Variants in PACS1 observed in about 807,000 individuals in gnomAD.
The protein encoded by PACS1 is PACS-1.
Under a neutral mutation model 115.0 loss-of-function variants are expected in PACS1, and 24 were observed. That is an observed-to-expected ratio of 0.21 (90% CI 0.15 to 0.29). The LOEUF is 0.29. Among genes scored for constraint, PACS1 ranks in the 10% least tolerant of loss-of-function variants. PACS1 has a pLI of 1.00. For synonymous variants in PACS1, 453 were observed against 504.5 expected (o/e 0.90, Z 1.37); for missense variants, 838 against 1,251.2 (o/e 0.67, Z 4.98).
chr11:66,229,801 C>A (rs1855545558), intron 11 of PACS1, among the ~76,000 whole-genome samples: 1 of 152,126 alleles, frequency 6.6e-6, no homozygotes, highest in African/African-American at 2.4e-5. Context: ...ACAAAATTAG[C>A]CAGGCATGAT....
chr11:66,216,643 C>G, intron 6 of PACS1, 32 bp downstream of exon 6: 5 of 1,609,290 alleles, frequency 3.1e-6, no homozygotes, highest in Non-Finnish European at 4.3e-6. Context: ...CATGGCGTGT[C>G]CAAGAAGCTC....
At chr11:66,183,588 C>T (rs561638745) in intron 1 of PACS1, among the ~76,000 whole-genome samples, 4 of 152,258 alleles carry the variant, frequency 2.6e-5, no homozygotes, top group South Asian at 4.1e-4. Flanking sequence ...CACAAAGGGA[C>T]CAGTGTAGGA....
intron 1 of PACS1, among the ~76,000 whole-genome samples, chr11:66,132,386 C>A (rs1195425752): frequency 6.6e-6 from 1 of 152,234 alleles, no homozygotes; most frequent in East Asian, 1.9e-4. Flanking sequence ...TTATAAATTA[C>A]CCAGTCTCAT....
At chr11:66,175,113 T>C (rs1258462712) in intron 1 of PACS1, among the ~76,000 whole-genome samples, 1 of 151,766 alleles carries the variant, frequency 6.6e-6, no homozygotes, top group Non-Finnish European at 1.5e-5. Flanking sequence ...ATTGCACCAT[T>C]GTATTGGTGC....
chr11:66,173,201 G>A (rs2134642822), intron 1 of PACS1, among the ~76,000 whole-genome samples: 1 of 151,226 alleles, frequency 6.6e-6, no homozygotes, highest in East Asian at 1.9e-4. Context: ...CCAAGGTGCT[G>A]ACATTACAGG....
chr11:66,152,690 A>G (rs1859268442), intron 1 of PACS1, among the ~76,000 whole-genome samples: 1 of 152,136 alleles, frequency 6.6e-6, no homozygotes, highest in Non-Finnish European at 1.5e-5. Context: ...CACCCTCTGA[A>G]CCTTGTTACA....
intron 1 of PACS1, among the ~76,000 whole-genome samples, chr11:66,143,322 C>T (rs986698604): frequency 1.1e-4 from 16 of 152,182 alleles, no homozygotes; most frequent in African/African-American, 3.4e-4. Context: ...GGTGGAGCAT[C>T]CCCTGTTGGA....
chr11:66,117,656 G>C (rs942717062), intron 1 of PACS1, among the ~76,000 whole-genome samples: 4 of 151,816 alleles, frequency 2.6e-5, no homozygotes, highest in African/African-American at 9.7e-5. Flanking sequence ...CGACCAGCCT[G>C]ACCAACATGG....
rs569165168 is a variant in PACS1, at chr11:66,217,095, T to G, written c.978+320T>G. 7.6e-5 allele frequency: 29 copies of G among 383,548 alleles called. 2 individuals are homozygous for G. The South Asian group carries it at 8.0e-4, about 11-fold the overall frequency. The allele number at this position is 383,548 out of a possible 1,614,324, so 23.8% of individuals were successfully genotyped here. ...CCTCCCACCCACTCCAGTGGCTGCTTCATGTCACATGCTGTCCTCTGCAGC... is the reference window on the plus strand; with the variant it reads ...CCTCCCACCCACTCCAGTGGCTGCTGCATGTCACATGCTGTCCTCTGCAGC... On this transcript the variant is annotated intron_variant, in intron 7 of 23. Coordinates refer to ENST00000320580, the MANE Select transcript of PACS1 (RefSeq NM_018026.4).
chr11:66,140,662 A>G (rs182755301), intron 1 of PACS1, among the ~76,000 whole-genome samples: 81 of 152,184 alleles, frequency 5.3e-4, no homozygotes, highest in African/African-American at 1.9e-3. Flanking sequence ...CTCAGTTCCC[A>G]ATTTTCCTCA....
intron 2 of PACS1, among the ~76,000 whole-genome samples, chr11:66,207,712 G>A (rs2134694892): frequency 6.6e-6 from 1 of 152,288 alleles, no homozygotes; most frequent in African/African-American, 2.4e-5. Context: ...TGTTTTTTGA[G>A]ACAGAGTCTC....
In PACS1 at chr11:66,230,911, C is replaced by T. The variant is rs755138244; in HGVS notation, c.1597C>T (p.Arg533Cys). ...SERTNSSDSERSPDLGHSTQI... is the reference protein window; with the variant it reads ...SERTNSSDSECSPDLGHSTQI... Reference sequence around the variant, plus strand: ...GAGGACCAACAGTTCCGACAGCGAGCGCTCCCCAGATCTGGGCCACAGCAC... The same window carrying T: ...GAGGACCAACAGTTCCGACAGCGAGTGCTCCCCAGATCTGGGCCACAGCAC... The change falls in exon 13 of 24, where the codon CGC becomes TGC. Residue 533 changes from arginine to cysteine, a missense_variant. Physicochemically the swap from Arg to Cys is radical, Grantham distance 180. Transcript: ENST00000320580. The T allele has an allele frequency of 6.2e-7, 1 of 1,614,106 alleles. No homozygotes were observed. The highest frequency in any genetic ancestry group is 8.5e-7 in the Non-Finnish European group (1 of 1,179,974).
intron 2 of PACS1, among the ~76,000 whole-genome samples, chr11:66,201,724 AT>A (rs1854803267): frequency 6.6e-6 from 1 of 151,112 alleles, no homozygotes; most frequent in Non-Finnish European, 1.5e-5. Context: ...CAGTGGTGCA[AT>A]CTCAGCTCAT....
chr11:66,189,283 C>T (rs1854462347), intron 1 of PACS1, among the ~76,000 whole-genome samples: 1 of 152,182 alleles, frequency 6.6e-6, no homozygotes, highest in South Asian at 2.1e-4. Context: ...TGTTGTGTGG[C>T]ATTTCTGTGA....
At chr11:66,184,711 G>T (rs1860082460) in intron 1 of PACS1, among the ~76,000 whole-genome samples, 1 of 152,166 alleles carries the variant, frequency 6.6e-6, no homozygotes, top group South Asian at 2.1e-4. Flanking sequence ...ACTTAATTAT[G>T]CACTGTCACG....
intron 1 of PACS1, among the ~76,000 whole-genome samples, chr11:66,181,956 T>C (rs1234176150): frequency 6.6e-6 from 1 of 152,238 alleles, no homozygotes; most frequent in East Asian, 1.9e-4. Context: ...AGCACTTCTG[T>C]ATGCCAGAGT....
intron 11 of PACS1, among the ~76,000 whole-genome samples, chr11:66,228,738 C>G (rs755956228): frequency 6.6e-6 from 1 of 152,082 alleles, no homozygotes; most frequent in Non-Finnish European, 1.5e-5. Context: ...TACCTGTTAC[C>G]CAGGGGAGAG....
chr11:66,205,016 C>T (rs1196178837), intron 2 of PACS1, among the ~76,000 whole-genome samples: 1 of 151,854 alleles, frequency 6.6e-6, no homozygotes, highest in Non-Finnish European at 1.5e-5. Flanking sequence ...CGGAGTTTCA[C>T]TCTTGTTGCC....
intron 10 of PACS1, among the ~76,000 whole-genome samples, chr11:66,226,938 T>G (rs1855479984): frequency 6.6e-6 from 1 of 152,224 alleles, no homozygotes; most frequent in African/African-American, 2.4e-5. Context: ...TGAGAAATGC[T>G]AATAAGAGTT....
Sources: allele counts gnomAD v4.1 joint callset (sites outside exome capture counted in the v4.1 genomes callset), GRCh38; gene constraint gnomAD v4.1.1; transcripts MANE v1.5; gene names NCBI Gene and HGNC (gene_info 2026-07-23, HGNC 2026-07-21).